The following TMEM45A variants were observed in gnomAD, a reference collection of about 807,000 sequenced individuals.
TMEM45A encodes the protein transmembrane protein 45A, also known as DNA polymerase-transactivated protein 4.
In TMEM45A, 25 loss-of-function variants were observed where a neutral mutation model predicts 32.0. The observed-to-expected ratio is 0.78, with a 90% CI of 0.57 to 1.09. The LOEUF is 1.09. TMEM45A is among the 50% of genes least tolerant of loss of function. The pLI is 0.00. For synonymous variants in TMEM45A, 122 were observed against 114.8 expected (o/e 1.06, Z -0.40); for missense variants, 302 against 325.0 (o/e 0.93, Z 0.54).
At chr3:100,519,168 G>GA (rs936121577) in intron 1 of TMEM45A, 2 of 181,620 alleles carry the variant, frequency 1.1e-5, no homozygotes, top group Non-Finnish European at 2.3e-5. Flanking sequence ...GTGGGAGGAA[G>GA]AAAAGAGAGT....
chr3:100,494,347 G>A (rs1310343701), intron 1 of TMEM45A, among the ~76,000 whole-genome samples: 1 of 152,196 alleles, frequency 6.6e-6, no homozygotes, highest in Non-Finnish European at 1.5e-5. Context: ...TTGCAGCCTG[G>A]GCGCGGTGGC....
chr3:100,558,339 G>T (rs1180873713), intron 3 of TMEM45A, 66 bp from the exon 4 acceptor site: 8 of 1,583,636 alleles, frequency 5.1e-6, no homozygotes, highest in African/African-American at 1.3e-5. Flanking sequence ...CGGAGAGAGG[G>T]AGAGAGAGAA....
At chr3:100,509,758 C>T (rs112605141) in intron 1 of TMEM45A, among the ~76,000 whole-genome samples, 6 of 152,216 alleles carry the variant, frequency 3.9e-5, no homozygotes, top group East Asian at 3.9e-4. Flanking sequence ...TCAGTGGGTG[C>T]GCGCACCGTG....
At chr3:100,502,734 G>A (rs142897145) in intron 1 of TMEM45A, among the ~76,000 whole-genome samples, 2 of 152,316 alleles carry the variant, frequency 1.3e-5, no homozygotes, top group Admixed American at 1.3e-4. Context: ...GCCTCCCAAA[G>A]TGCTGGGAAA....
At chr3:100,570,921 C>A (rs776459868) in intron 5 of TMEM45A, 5 of 152,092 alleles carry the variant, frequency 3.3e-5, no homozygotes, top group Admixed American at 6.5e-5. Flanking sequence ...TCTATGAAAA[C>A]TTCTGTGGTG....
At chr3:100,565,015 G>C (rs1436359455) in intron 4 of TMEM45A, among the ~76,000 whole-genome samples, 1 of 152,176 alleles carries the variant, frequency 6.6e-6, no homozygotes, top group African/African-American at 2.4e-5. Flanking sequence ...ATATGGAAAG[G>C]CTGTATGGTG....
chr3:100,517,346 A>G (rs573409239), intron 1 of TMEM45A, among the ~76,000 whole-genome samples: 4 of 152,284 alleles, frequency 2.6e-5, no homozygotes, highest in African/African-American at 9.6e-5. Flanking sequence ...TTGAACTCCC[A>G]AAGTGCTGGG....
chr3:100,541,524 C>CTTTTTTTTTTTTTTTTTTTTTTTCT (rs61341173), intron 1 of TMEM45A, among the ~76,000 whole-genome samples: 1 of 111,268 alleles, frequency 9.0e-6, no homozygotes, highest in Non-Finnish European at 1.8e-5. Context: ...CTTTTCTTTC[C>CTTTTTTTTTTTTTTTTTTTTTTTCT]TTTTTTTTTT....
At chr3:100,569,479 G>C (rs1706513849) in intron 5 of TMEM45A, among the ~76,000 whole-genome samples, 1 of 152,170 alleles carries the variant, frequency 6.6e-6, no homozygotes, top group Non-Finnish European at 1.5e-5. Flanking sequence ...CCAGTATAAT[G>C]TTCCATAGGT....
chr3:100,510,564 C>T (rs1458028958), intron 1 of TMEM45A, among the ~76,000 whole-genome samples: 3 of 152,212 alleles, frequency 2.0e-5, no homozygotes, highest in African/African-American at 7.2e-5. Flanking sequence ...CAGAGCGCCT[C>T]TCCTCCTCCA....
At chr3:100,526,157 T>C (rs1386072328) in intron 1 of TMEM45A, among the ~76,000 whole-genome samples, 5 of 152,192 alleles carry the variant, frequency 3.3e-5, no homozygotes, top group Admixed American at 2.0e-4. Flanking sequence ...ATTTAGCCCG[T>C]GTAACTTCCC....
rs555429681 is a variant in TMEM45A at position 100,562,223 on chromosome 3, T to G, written c.588+3634T>G. ...AACTTTTTTTTTTTGCAGATTGAGGTTTTTTTTTGGAATTTTATATAAGGA... is the reference window on the plus strand; with the variant it reads ...AACTTTTTTTTTTTGCAGATTGAGGGTTTTTTTTGGAATTTTATATAAGGA... On this transcript the variant is annotated intron_variant, in intron 4 of 5. Transcript: ENST00000323523. Among the ~76,000 whole-genome samples the G allele has an allele frequency of 1.6e-4, 24 of 149,968 alleles. No individual in the cohort carries two copies. In the East Asian group the frequency reaches 3.1e-3, roughly 19 times the overall value.
chr3:100,556,884 G>T lies in TMEM45A; in HGVS notation c.315G>T (p.Leu105Phe), dbSNP rs769958679. ...HFTMYFFFGLLGVADILCFTI... is the reference protein window; with the variant it reads ...HFTMYFFFGLFGVADILCFTI... ...CCATGTATTTCTTCTTTGGGCTGTTGGGTGTGGCAGATATCTTATGTTTCA... is the reference window on the plus strand; with the variant it reads ...CCATGTATTTCTTCTTTGGGCTGTTTGGTGTGGCAGATATCTTATGTTTCA... The change falls in exon 3 of 6, where the codon TTG (leucine) becomes TTT (phenylalanine). Residue 105 changes from leucine to phenylalanine, a missense_variant. Coordinates refer to ENST00000323523, the MANE Select transcript of TMEM45A (RefSeq NM_018004.3). 1.9e-6 allele frequency: 3 copies of T among 1,614,044 alleles called. No homozygotes were observed. The African/African-American group carries it at 4.0e-5, about 22-fold the overall frequency.
chr3:100,512,610 G>A (rs1424800933), intron 1 of TMEM45A, among the ~76,000 whole-genome samples: 1 of 151,172 alleles, frequency 6.6e-6, no homozygotes, highest in Non-Finnish European at 1.5e-5. Context: ...CAGAAGGCAA[G>A]AAATAACTAA....
intron 1 of TMEM45A, among the ~76,000 whole-genome samples, chr3:100,493,480 C>T (rs1421645779): frequency 1.3e-5 from 2 of 151,828 alleles, no homozygotes; most frequent in Admixed American, 6.6e-5. Flanking sequence ...TATATCTTTT[C>T]GGTATTCTCC....
At chr3:100,546,991 C>G (rs1020658336) in intron 1 of TMEM45A, among the ~76,000 whole-genome samples, 72 of 152,174 alleles carry the variant, frequency 4.7e-4, no homozygotes, top group African/African-American at 1.7e-3. Flanking sequence ...GGTTAGGGGT[C>G]TGGCCACCCC....
chr3:100,555,321 C>T lies in TMEM45A; in HGVS notation c.110C>T (p.Thr37Ile), dbSNP rs1706194865. The change falls in exon 2 of 6, where the codon ACC (threonine) becomes ATC (isoleucine). Residue 37 changes from threonine (T) to isoleucine (I), a missense_variant. By Grantham distance (89) the Thr-to-Ile change is moderately conservative (BLOSUM62 -1). Coordinates refer to ENST00000323523, the MANE Select transcript of TMEM45A (RefSeq NM_018004.3). ...LKYICKKQKR[T>I]CYLGSKTLFY... ...TATATCTGCAAAAAGCAAAAGCGAACCTGCTATCTTGGTTCCAAAACATTA... is the reference window on the plus strand; with the variant it reads ...TATATCTGCAAAAAGCAAAAGCGAATCTGCTATCTTGGTTCCAAAACATTA... The T allele has an allele frequency of 3.1e-6, 5 of 1,613,900 alleles. No individual in the cohort carries two copies. Among genetic ancestry groups the T allele is most frequent in the Middle Eastern group, 3.3e-4 (2 of 6,058 alleles).
intron 1 of TMEM45A, among the ~76,000 whole-genome samples, chr3:100,494,757 A>G (rs1393979486): frequency 6.6e-6 from 1 of 152,228 alleles, no homozygotes; most frequent in African/African-American, 2.4e-5. Context: ...GAAGCGATGT[A>G]AAGAGCCAGC....
intron 1 of TMEM45A, among the ~76,000 whole-genome samples, chr3:100,514,868 A>G (rs1306948513): frequency 3.3e-5 from 5 of 149,668 alleles, no homozygotes; most frequent in African/African-American, 1.2e-4. Flanking sequence ...CAAAAAACAC[A>G]TGAAAAAATG....
Sources: gnomAD v4.1 joint callset for allele counts (sites outside exome capture counted in the v4.1 genomes callset) on GRCh38, gnomAD v4.1.1 for gene constraint, MANE v1.5 for transcripts, NCBI Gene and HGNC (gene_info 2026-07-23, HGNC 2026-07-21) for gene names.